STARD13: variants seen among roughly 807,000 people sequenced by gnomAD.
STARD13 encodes the protein StAR related lipid transfer domain containing 13.
In STARD13, 62 loss-of-function variants were observed where a neutral mutation model predicts 106.4. The observed-to-expected ratio is 0.58, with a 90% CI of 0.48 to 0.72. STARD13 has a LOEUF of 0.72. STARD13 is among the 30% of genes least tolerant of loss of function. The pLI, the probability that STARD13 is intolerant of heterozygous loss-of-function variation, is 0.00. For synonymous variants in STARD13, 565 were observed against 553.0 expected, an observed-to-expected ratio of 1.02 and a Z score of -0.31; for missense variants, 1,387 against 1,424.0, an observed-to-expected ratio of 0.97 and a Z score of 0.42.
the STARD13 span, among the ~76,000 whole-genome samples, chr13:33,609,002 C>T: frequency 6.9e-6 from 1 of 145,474 alleles, no homozygotes; most frequent in Non-Finnish European, 1.5e-5. Flanking sequence ...AGGAGAATGG[C>T]GTGAACCCGG....
chr13:33,187,857 A>G (rs774931059), intron 1 of STARD13, among the ~76,000 whole-genome samples: 1 of 151,864 alleles, frequency 6.6e-6, no homozygotes, highest in African/African-American at 2.4e-5. Context: ...TAATTTTTGT[A>G]TTTTTTAGTA....
At chr13:33,226,647 C>T (rs2138195630) in intron 1 of STARD13, among the ~76,000 whole-genome samples, 1 of 152,186 alleles carries the variant, frequency 6.6e-6, no homozygotes, top group East Asian at 1.9e-4. Flanking sequence ...GTTGGCCAGG[C>T]TGGTCTTGAA....
the STARD13 span, among the ~76,000 whole-genome samples, chr13:33,388,466 C>T: frequency 6.6e-6 from 1 of 152,194 alleles, no homozygotes; most frequent in Non-Finnish European, 1.5e-5. Context: ...AGAGGCAGCT[C>T]TGTGTGGATT....
At chr13:33,667,244 A>C in the STARD13 span, among the ~76,000 whole-genome samples, 1 of 152,226 alleles carries the variant, frequency 6.6e-6, no homozygotes, top group Non-Finnish European at 1.5e-5. Context: ...AATGTTATTG[A>C]GGGACAAACA....
chr13:33,111,981 C>T, intron 9 of STARD13, 89 bp from the exon 10 acceptor site: 1 of 782,674 alleles, frequency 1.3e-6, no homozygotes, highest in Non-Finnish European at 2.2e-6. Context: ...TCTGTTTATA[C>T]CCAGATGCTA....
At chr13:33,236,652 A>G (rs1363953178) in intron 1 of STARD13, among the ~76,000 whole-genome samples, 2 of 152,158 alleles carry the variant, frequency 1.3e-5, no homozygotes, top group Non-Finnish European at 2.9e-5. Flanking sequence ...GATACAGGGG[A>G]AGAGCAATCC....
At chr13:33,554,484 T>G in the STARD13 span, among the ~76,000 whole-genome samples, 1 of 152,238 alleles carries the variant, frequency 6.6e-6, no homozygotes, top group South Asian at 2.1e-4. Context: ...TAATAGTGCC[T>G]TCTTCATCGG....
chr13:33,567,069 C>T, the STARD13 span, among the ~76,000 whole-genome samples: 4 of 148,068 alleles, frequency 2.7e-5, 1 homozygote, highest in Non-Finnish European at 6.0e-5. Flanking sequence ...AGCCTTTCTC[C>T]AAAGCTTTGT....
the STARD13 span, among the ~76,000 whole-genome samples, chr13:33,382,577 A>C: frequency 6.6e-6 from 1 of 152,246 alleles, no homozygotes; most frequent in African/African-American, 2.4e-5. Flanking sequence ...AGCATCCAGC[A>C]CACAAATGTT....
the STARD13 span, among the ~76,000 whole-genome samples, chr13:33,488,890 C>G: frequency 6.6e-6 from 1 of 152,188 alleles, no homozygotes; most frequent in African/African-American, 2.4e-5. Flanking sequence ...AACACATTTT[C>G]TTTACCTGAA....
chr13:33,667,895 T>C, the STARD13 span, among the ~76,000 whole-genome samples: 1,827 of 152,316 alleles, frequency 0.012, 22 homozygotes, highest in Non-Finnish European at 0.019. Flanking sequence ...TGTGAAGGTG[T>C]AAACAGACAC....
At chr13:33,411,839 C>T in the STARD13 span, among the ~76,000 whole-genome samples, 1 of 152,044 alleles carries the variant, frequency 6.6e-6, no homozygotes, top group Non-Finnish European at 1.5e-5. Flanking sequence ...AGAAATGGAT[C>T]GTCAACCCAG....
chr13:33,612,747 C>T, the STARD13 span, among the ~76,000 whole-genome samples: 2 of 152,174 alleles, frequency 1.3e-5, no homozygotes, highest in East Asian at 3.9e-4. Flanking sequence ...AGTAAATTTG[C>T]ATTAAACAGT....
chr13:33,491,752 G>C, the STARD13 span, among the ~76,000 whole-genome samples: 5 of 152,204 alleles, frequency 3.3e-5, no homozygotes. Flanking sequence ...ATGTGATGAG[G>C]AGCTGTAGAG....
At chr13:33,133,156 C>T (rs1474025339) in intron 4 of STARD13, among the ~76,000 whole-genome samples, 1 of 152,110 alleles carries the variant, frequency 6.6e-6, no homozygotes, top group Non-Finnish European at 1.5e-5. Flanking sequence ...TCTCTCAAAC[C>T]TGGTTATGAT....
intron 7 of STARD13, among the ~76,000 whole-genome samples, chr13:33,120,022 G>C (rs575921019): frequency 9.5e-4 from 144 of 152,306 alleles, no homozygotes; most frequent in South Asian, 6.8e-3. Context: ...TCTGATTTTG[G>C]AAGGAGGCCC....
At chr13:33,278,011 T>C (rs1891543758) in intron 1 of STARD13, among the ~76,000 whole-genome samples, 1 of 152,178 alleles carries the variant, frequency 6.6e-6, no homozygotes, top group Non-Finnish European at 1.5e-5. Flanking sequence ...CTGCCAAATC[T>C]ATGCAAGAAG....
intron 3 of STARD13, among the ~76,000 whole-genome samples, chr13:33,149,114 T>C (rs1402417638): frequency 6.6e-6 from 1 of 152,166 alleles, no homozygotes. Flanking sequence ...CTACTCTCTA[T>C]GATACTATAA....
At chr13:33,269,908 T>C (rs1891075059) in intron 1 of STARD13, among the ~76,000 whole-genome samples, 1 of 152,170 alleles carries the variant, frequency 6.6e-6, no homozygotes, top group Non-Finnish European at 1.5e-5. Flanking sequence ...CTGAGAATTA[T>C]TCAAGTAGGT....
Sources: allele counts gnomAD v4.1 joint callset (sites outside exome capture counted in the v4.1 genomes callset), GRCh38; gene constraint gnomAD v4.1.1; transcripts MANE v1.5; gene names NCBI Gene and HGNC (gene_info 2026-07-23, HGNC 2026-07-21).